Variants in VWC2 observed in about 807,000 individuals in gnomAD.
VWC2 encodes von Willebrand factor C domain containing 2.
A neutral mutation model predicts 29.8 loss-of-function variants in VWC2; 14 were observed. The observed-to-expected ratio is 0.47, with a 90% CI of 0.31 to 0.74. The LOEUF (loss-of-function observed/expected upper bound fraction) is 0.74. VWC2 is among the 30% of genes least tolerant of loss of function. VWC2 has a pLI of 0.05. For synonymous variants in VWC2, 213 were observed against 199.0 expected, an observed-to-expected ratio of 1.07 and a Z score of -0.59; for missense variants, 457 against 459.8, an observed-to-expected ratio of 0.99 and a Z score of 0.05.
At chr7:49,909,106 C>A (rs184116148) in intron 3 of VWC2, among the ~76,000 whole-genome samples, 1 of 152,056 alleles carries the variant, frequency 6.6e-6, no homozygotes, top group African/African-American at 2.4e-5. Flanking sequence ...TTAAGGCACA[C>A]AATAATTAAT....
intron 3 of VWC2, among the ~76,000 whole-genome samples, chr7:49,852,930 T>G (rs1355015147): frequency 6.6e-6 from 1 of 151,938 alleles, no homozygotes; most frequent in African/African-American, 2.4e-5. Context: ...CAAGAATGAG[T>G]GTGGAGAAGT....
rs547773568 is a variant in VWC2 at position 49,787,361 on chromosome 7, A to T, written c.696+11230A>T. The stretch of plus-strand genomic sequence containing the variant: ...AATTCTGTATGCTTTTAAAAAAGAG[A>T]GCTCAATATTTTTGTTTTAGAAAGC... On this transcript the variant is annotated intron_variant, in intron 2 of 3. Transcript: ENST00000340652. 2.6e-5 allele frequency among the ~76,000 whole-genome samples: 4 copies of T among 152,338 alleles called. No homozygotes were observed. The South Asian group carries it at 8.3e-4, about 32-fold the overall frequency.
chr7:49,801,140 G>C (rs182531286), intron 2 of VWC2, among the ~76,000 whole-genome samples: 2 of 152,176 alleles, frequency 1.3e-5, no homozygotes, highest in Admixed American at 6.5e-5. Context: ...TTGAGCTTTT[G>C]CTTCTCGTAA....
At chr7:49,857,009 CAAAAAAAAAAAAA>C (rs59910243) in intron 3 of VWC2, among the ~76,000 whole-genome samples, 2 of 52,766 alleles carry the variant, frequency 3.8e-5, no homozygotes, top group African/African-American at 7.9e-5. Context: ...GATACTGTCT[CAAAAAAAAAAAAA>C]AAAAAAAAAA....
At chr7:49,833,561 G>A (rs1789584674) in intron 3 of VWC2, among the ~76,000 whole-genome samples, 1 of 152,230 alleles carries the variant, frequency 6.6e-6, no homozygotes, top group Non-Finnish European at 1.5e-5. Context: ...ATTAGGAAAG[G>A]TGATTGGGAG....
Position 49,802,318 on chromosome 7 carries a change from G to A in VWC2, c.697-393G>A, listed in dbSNP as rs538692576. Among the ~76,000 whole-genome samples, 75 of 151,792 alleles carry A rather than the reference G, an allele frequency of 4.9e-4. No homozygotes were observed. In the Middle Eastern group the frequency reaches 0.01, roughly 21 times the overall value. On this transcript the variant is annotated intron_variant, in intron 2 of 3. Coordinates refer to ENST00000340652, the MANE Select transcript of VWC2 (RefSeq NM_198570.5). The stretch of plus-strand genomic sequence containing the variant: ...TTTTTAAACATTCCTAAAACACTTA[G>A]GTGTCTTCGCAGAAAGTTTAGGGAA...
intron 3 of VWC2, among the ~76,000 whole-genome samples, chr7:49,859,785 T>TGG (rs1790573286): frequency 1.3e-5 from 1 of 79,952 alleles, no homozygotes; most frequent in Admixed American, 1.4e-4. Flanking sequence ...ACAGTGCGCG[T>TGG]GCGTGCACAC....
At chr7:49,870,787 C>G (rs185975269) in intron 3 of VWC2, among the ~76,000 whole-genome samples, 13 of 152,276 alleles carry the variant, frequency 8.5e-5, no homozygotes, top group African/African-American at 3.1e-4. Context: ...GGAAAAGAGT[C>G]ATCCACAAAA....
chr7:49,848,054 G>T (rs1363863896), intron 3 of VWC2, among the ~76,000 whole-genome samples: 4 of 152,180 alleles, frequency 2.6e-5, no homozygotes, highest in African/African-American at 7.2e-5. Flanking sequence ...GTGGGAAGTC[G>T]GAAGCTTCTA....
intron 3 of VWC2, among the ~76,000 whole-genome samples, chr7:49,886,559 G>C (rs186116712): frequency 6.6e-6 from 1 of 151,954 alleles, no homozygotes; most frequent in African/African-American, 2.4e-5. Context: ...TCCCTATTCA[G>C]TTCTTTTAGA....
chr7:49,873,980 A>G (rs1791289838), intron 3 of VWC2, among the ~76,000 whole-genome samples: 2 of 152,148 alleles, frequency 1.3e-5, no homozygotes, highest in Admixed American at 1.3e-4. Context: ...ATTCAAAGAA[A>G]ACCAATGCAT....
intron 3 of VWC2, among the ~76,000 whole-genome samples, chr7:49,909,710 T>C (rs1230382450): frequency 6.6e-6 from 1 of 152,004 alleles, no homozygotes; most frequent in African/African-American, 2.4e-5. Context: ...GAACTAAAAT[T>C]TGGGAGTCAT....
chr7:49,815,847 A>T (rs1430507586), intron 3 of VWC2, among the ~76,000 whole-genome samples: 1 of 152,234 alleles, frequency 6.6e-6, no homozygotes, highest in Non-Finnish European at 1.5e-5. Context: ...TCATTAATTC[A>T]TTCAACAGAT....
chr7:49,861,664 T>G (rs938743367), intron 3 of VWC2, among the ~76,000 whole-genome samples: 1 of 152,214 alleles, frequency 6.6e-6, no homozygotes, highest in Non-Finnish European at 1.5e-5. Context: ...TTGAGTTAAT[T>G]TTTGTATATG....
intron 3 of VWC2, among the ~76,000 whole-genome samples, chr7:49,880,510 G>A (rs568020842): frequency 9.3e-5 from 14 of 150,894 alleles, no homozygotes; most frequent in African/African-American, 2.2e-4. Flanking sequence ...ATTAGATATC[G>A]GGCTATTCAG....
intron 2 of VWC2, among the ~76,000 whole-genome samples, chr7:49,792,064 CCTT>C (rs1168356926): frequency 6.6e-6 from 1 of 152,196 alleles, no homozygotes; most frequent in Non-Finnish European, 1.5e-5. Context: ...AAAATACTGT[CCTT>C]CTCTCTGCCA....
intron 3 of VWC2, among the ~76,000 whole-genome samples, chr7:49,867,358 T>A (rs1016978559): frequency 4.6e-5 from 7 of 152,294 alleles, no homozygotes; most frequent in Middle Eastern, 3.4e-3. Context: ...ATTTACATAT[T>A]CAGTGTCAGC....
At position 49,920,167 on chromosome 7, in the gene VWC2, A is replaced by G. The variant is rs938285385; in HGVS notation, c.*7982A>G. On this transcript the variant is annotated 3_prime_UTR_variant, in exon 4 of 4. Transcript: ENST00000340652. ...AGCAAAATGGAACAGAGCAATATAG[A>G]GCAAAACAGAGGTTTGTCTGAAACA... 2 of 152,204 alleles carry G rather than the reference A, an allele frequency of 1.3e-5. No homozygotes were observed. The highest frequency in any genetic ancestry group is 2.4e-5 in the African/African-American group (1 of 41,456). The allele number at this position is 152,204 out of a possible 1,614,324, so 9.4% of individuals were successfully genotyped here.
At chr7:49,793,745 T>G (rs548568438) in intron 2 of VWC2, among the ~76,000 whole-genome samples, 32 of 152,338 alleles carry the variant, frequency 2.1e-4, no homozygotes, top group African/African-American at 7.2e-4. Flanking sequence ...TTGCAAACTC[T>G]TAGGGCTTTA....
Sources: allele counts gnomAD v4.1 joint callset (sites outside exome capture counted in the v4.1 genomes callset), GRCh38; gene constraint gnomAD v4.1.1; transcripts MANE v1.5; gene names NCBI Gene and HGNC (gene_info 2026-07-23, HGNC 2026-07-21).